PCDHGB6: variants seen among roughly 807,000 people sequenced by gnomAD.
PCDHGB6 encodes protocadherin gamma-B6.
In PCDHGB6, 51 loss-of-function variants were observed where a neutral mutation model predicts 59.1. The ratio of observed to expected loss-of-function variants is 0.86; its 90% CI spans 0.69 to 1.09. The LOEUF is 1.09. Among genes scored for constraint, PCDHGB6 ranks in the 50% least tolerant of loss-of-function variants. The pLI, the probability that PCDHGB6 is intolerant of heterozygous loss-of-function variation, is 0.00. For missense variants in PCDHGB6, 1,148 were observed against 1,205.1 expected, an observed-to-expected ratio of 0.95 and a Z score of 0.70; for synonymous variants, 466 against 495.1, an observed-to-expected ratio of 0.94 and a Z score of 0.78.
chr5:141,489,086 G>A lies in PCDHGB6; in HGVS notation c.2419-5721G>A, dbSNP rs2233599. ...CCCCCCTGCCCACCCCCGCCACTCG[G>A]TGACTAAGAACTGCTGCAAGCAGGC... On this transcript the variant is annotated intron_variant, in intron 1 of 3. Coordinates refer to ENST00000520790, the MANE Select transcript of PCDHGB6 (RefSeq NM_018926.3). The surrounding 1 kb of genome is among the most constrained non-coding windows in gnomAD (Gnocchi z 4.5). 2.2e-3 allele frequency: 754 copies of A among 340,206 alleles called. 5 individuals carry two copies. Among genetic ancestry groups the A allele is most frequent in the African/African-American group, 0.018 (712 of 39,726 alleles). 21.1% of individuals were successfully genotyped at this position (340,206 alleles called of 1,614,324 possible).
intron 1 of PCDHGB6, among the ~76,000 whole-genome samples, chr5:141,471,998 A>T (rs938492822): frequency 5.3e-5 from 8 of 152,276 alleles, no homozygotes; most frequent in South Asian, 2.1e-4. Context: ...AAATCCCTGC[A>T]TCGTATAGGG....
intron 1 of PCDHGB6, among the ~76,000 whole-genome samples, chr5:141,473,185 G>A (rs1171761852): frequency 1.3e-5 from 2 of 152,188 alleles, no homozygotes; most frequent in Non-Finnish European, 2.9e-5. Flanking sequence ...ACTTGAAGGA[G>A]TAAATGTATC....
chr5:141,414,009 TGGA>T (rs2095701451), intron 1 of PCDHGB6: 2 of 1,612,964 alleles, frequency 1.2e-6, no homozygotes, highest in Middle Eastern at 1.7e-4. Context: ...AAGGTGCCAA[TGGA>T]GAAGTGACAT....
intron 3 of PCDHGB6, among the ~76,000 whole-genome samples, chr5:141,505,729 G>A (rs1026403192): frequency 7.9e-5 from 12 of 152,286 alleles, no homozygotes; most frequent in African/African-American, 2.9e-4. Flanking sequence ...AGGGAATAGT[G>A]GTTACAAGTC....
chr5:141,425,844 G>C (rs985746948), intron 1 of PCDHGB6, among the ~76,000 whole-genome samples: 1 of 152,104 alleles, frequency 6.6e-6, no homozygotes, highest in Admixed American at 6.6e-5. Flanking sequence ...CTCTTTGCTG[G>C]GTTAATGACT....
Position 141,450,830 on chromosome 5 carries a change from T to TTA in PCDHGB6, c.2418+40211_2418+40212insAT, listed in dbSNP as rs200967731. 4.3e-3 allele frequency among the ~76,000 whole-genome samples: 438 copies of TTA among 101,540 alleles called. 3 individuals carry two copies. Among genetic ancestry groups the TTA allele is most frequent in the African/African-American group, 0.015 (349 of 23,046 alleles). 66.6% of individuals were successfully genotyped at this position (101,540 alleles called of 152,430 possible). ...TATTTATTTAATATTATTATTATTA[T>TTA]TTTTTTTTTTTTGAGATGGGGTCTT... On this transcript the variant is annotated intron_variant, in intron 1 of 3. Transcript: ENST00000520790.
intron 1 of PCDHGB6, chr5:141,415,170 C>T (rs781724309): frequency 3.7e-6 from 6 of 1,613,878 alleles, no homozygotes; most frequent in South Asian, 2.2e-5. Flanking sequence ...TCACGCTCAC[C>T]GTGGCCGTGG....
rs772962568 is a variant in PCDHGB6, at chr5:141,476,311, G to A, written c.2419-18496G>A. The stretch of plus-strand genomic sequence containing the variant: ...ATCTCGGTAGCCTCTCAGCCCGCAG[G>A]TTCCGGGTGGTGTCTGGAGCTAGCC... On this transcript the variant is annotated intron_variant, in intron 1 of 3. Transcript: ENST00000520790. The surrounding 1 kb of genome is among the most constrained non-coding windows in gnomAD (Gnocchi z 7.6). 13 of 1,613,680 alleles carry A rather than the reference G, an allele frequency of 8.1e-6. No individual in the cohort carries two copies. The African/African-American group carries it at 1.5e-4, about 18-fold the overall frequency.
rs2099698809 is a variant in PCDHGB6 at position 141,490,343 on chromosome 5, T to C, written c.2419-4464T>C. On this transcript the variant is annotated intron_variant, in intron 1 of 3. Transcript: ENST00000520790. This position sits in a 1 kb window ranked among gnomAD's most constrained non-coding sequence, Gnocchi z 5.4. ...CTAGAGAGCACACCAGTGGGCACAG[T>C]AGTGGGGTTGTTTAATGTGCGAGAC... The C allele has an allele frequency of 6.2e-7, 1 of 1,614,018 alleles. No individual in the cohort carries two copies. Among genetic ancestry groups the C allele is most frequent in the Admixed American group, 1.7e-5 (1 of 60,006 alleles).
In PCDHGB6 at chr5:141,408,533, G is replaced by A; in HGVS notation, c.331G>A (p.Glu111Lys). Residue 111 changes from glutamate (E) to lysine (K), a missense_variant, in exon 1 of 4, where the codon GAA (glutamate) becomes AAA (lysine). Glu to Lys is a moderately conservative substitution (Grantham distance 56). Around this residue, in one of 5 missense-constraint regions of PCDHGB6, gnomAD observed 307 missense variants for 323.8 expected, o/e 0.95. Coordinates refer to ENST00000520790, the MANE Select transcript of PCDHGB6 (RefSeq NM_018926.3). ...RCELQLEAVV[E>K]NPLNIFHVIV... ...TGAGTTGCAATTGGAAGCTGTGGTG[G>A]AAAATCCTTTAAATATTTTTCATGT... 1 of 1,614,056 alleles carries A rather than the reference G, an allele frequency of 6.2e-7. No individual in the cohort carries two copies. The highest frequency in any genetic ancestry group is 8.5e-7 in the Non-Finnish European group (1 of 1,179,908).
chr5:141,418,986 C>T, intron 1 of PCDHGB6: 1 of 1,613,930 alleles, frequency 6.2e-7, no homozygotes, highest in Non-Finnish European at 8.5e-7. Context: ...GACCAAGACT[C>T]AGGGGAAAAT....
At chr5:141,441,820 G>A in intron 1 of PCDHGB6, 1 of 359,390 alleles carries the variant, frequency 2.8e-6, no homozygotes, top group Non-Finnish European at 5.5e-6. Flanking sequence ...CCCAGCTCTG[G>A]AGCGCAATGG....
At chr5:141,418,021 A>G (rs748774040) in intron 1 of PCDHGB6, 11 of 1,613,978 alleles carry the variant, frequency 6.8e-6, no homozygotes, top group African/African-American at 1.3e-5. Context: ...CTAAGGATCT[A>G]GGGCTTAGTG....
intron 1 of PCDHGB6, among the ~76,000 whole-genome samples, chr5:141,483,631 T>C (rs973545851): frequency 2.7e-5 from 4 of 149,022 alleles, no homozygotes; most frequent in African/African-American, 1.0e-4. Flanking sequence ...TGGGAGAAGG[T>C]ATAGAGGGGT....
chr5:141,487,127 A>T lies in PCDHGB6; in HGVS notation c.2419-7680A>T. ...GGTCATTGTGGTAAAGGATAGTGGT[A>T]GTCCACCACTCTCTACCTCTGTTAC... On this transcript the variant is annotated intron_variant, in intron 1 of 3. Coordinates refer to ENST00000520790, the MANE Select transcript of PCDHGB6 (RefSeq NM_018926.3). The surrounding 1 kb of genome is among the most constrained non-coding windows in gnomAD (Gnocchi z 5.0). 6.2e-7 allele frequency: 1 copy of T among 1,613,334 alleles called. No individual in the cohort carries two copies. Among genetic ancestry groups the T allele is most frequent in the Admixed American group, 1.7e-5 (1 of 60,026 alleles).
At position 141,432,135 on chromosome 5, in the gene PCDHGB6, C is replaced by T; in HGVS notation, c.2418+21515C>T. On this transcript the variant is annotated intron_variant, in intron 1 of 3. Transcript: ENST00000520790. This position sits in a 1 kb window ranked among gnomAD's most constrained non-coding sequence, Gnocchi z 6.0. ...GTCTTCCCTCAGGCCTCCTATTCCGCTTATATCCCAGAGAACAATCCCAGA... is the reference window on the plus strand; with the variant it reads ...GTCTTCCCTCAGGCCTCCTATTCCGTTTATATCCCAGAGAACAATCCCAGA... The T allele has an allele frequency of 6.2e-7, 1 of 1,614,140 alleles. No homozygotes were observed. Among genetic ancestry groups the T allele is most frequent in the Non-Finnish European group, 8.5e-7 (1 of 1,180,026 alleles).
Position 141,489,173 on chromosome 5 carries a change from C to T in PCDHGB6, c.2419-5634C>T. 8.3e-7 allele frequency: 1 copy of T among 1,208,434 alleles called. No individual in the cohort carries two copies. Among genetic ancestry groups the T allele is most frequent in the Non-Finnish European group, 1.2e-6 (1 of 860,944 alleles). The allele number at this position is 1,208,434 out of a possible 1,614,324, so 74.9% of individuals were successfully genotyped here. ...CATAAGAGACTTCAGCTGCTGCATTCCAAGCCCTGGGTCTACCTTGGAGAC... is the reference window on the plus strand; with the variant it reads ...CATAAGAGACTTCAGCTGCTGCATTTCAAGCCCTGGGTCTACCTTGGAGAC... On this transcript the variant is annotated intron_variant, in intron 1 of 3. Coordinates refer to ENST00000520790, the MANE Select transcript of PCDHGB6 (RefSeq NM_018926.3). The surrounding 1 kb of genome is among the most constrained non-coding windows in gnomAD (Gnocchi z 4.5).
intron 1 of PCDHGB6, among the ~76,000 whole-genome samples, chr5:141,424,964 A>G (rs62378457): frequency 0.11 from 16,148 of 152,126 alleles, 960 homozygotes; most frequent in African/African-American, 0.17. Flanking sequence ...ATTTGCCCCA[A>G]ATTACTTGGA....
At chr5:141,494,682 C>G (rs1282135022) in intron 1 of PCDHGB6, 125 bp from the exon 2 acceptor site, 16 of 1,564,362 alleles carry the variant, frequency 1.0e-5, no homozygotes, top group African/African-American at 1.4e-5. Context: ...ACCCCTGCCC[C>G]CTCTTAGTCC....
Sources: allele counts gnomAD v4.1 joint callset (sites outside exome capture counted in the v4.1 genomes callset), GRCh38; gene constraint gnomAD v4.1.1; regional missense constraint gnomAD v4.1.1; non-coding constraint Gnocchi (gnomAD v3.1); transcripts MANE v1.5; gene names NCBI Gene and HGNC (gene_info 2026-07-23, HGNC 2026-07-21).